The following STON2 variants were observed in gnomAD, a reference collection of about 807,000 sequenced individuals.
STON2 encodes stonin 2.
A neutral mutation model predicts 65.7 loss-of-function variants in STON2; 29 were observed. That is an observed-to-expected ratio of 0.44 (90% CI 0.33 to 0.60). STON2 has a LOEUF of 0.60. STON2 is among the 20% of genes least tolerant of loss of function. The probability of loss-of-function intolerance (pLI) is 0.03; values close to 1 mark genes in which losing one functional copy is unlikely to be tolerated. For synonymous variants in STON2, 404 were observed against 414.2 expected, an observed-to-expected ratio of 0.98 and a Z score of 0.30; for missense variants, 1,054 against 1,118.1, an observed-to-expected ratio of 0.94 and a Z score of 0.82.
chr14:81,365,061 C>T (rs1898660395), intron 4 of STON2, among the ~76,000 whole-genome samples: 2 of 152,196 alleles, frequency 1.3e-5, no homozygotes, highest in South Asian at 4.1e-4. Context: ...ATCAAGGCCC[C>T]AAGTTCTGGG....
rs1356197097 is a variant in STON2 at position 81,265,014 on chromosome 14, C to G, written c.*3400G>C. On this transcript the variant is annotated 3_prime_UTR_variant, in exon 8 of 8. Coordinates refer to ENST00000614646, the MANE Select transcript of STON2 (RefSeq NM_001394390.1). ...TATGTTCTAAGAGTAATACTATGTA[C>G]TGGTAAAATGAATTCATTTTTAATA... The G allele has an allele frequency of 1.0e-6, 1 of 979,704 alleles. No individual in the cohort carries two copies. Among genetic ancestry groups the G allele is most frequent in the African/African-American group, 1.8e-5 (1 of 56,936 alleles). 60.7% of individuals were successfully genotyped at this position (979,704 alleles called of 1,614,324 possible).
intron 3 of STON2, 173 bp downstream of exon 3, chr14:81,395,721 A>G: frequency 1.5e-6 from 1 of 656,444 alleles, no homozygotes; most frequent in Non-Finnish European, 2.7e-6. Context: ...TATGTCAACA[A>G]AAACAAGTTA....
chr14:81,386,269 T>A (rs533130900), intron 3 of STON2, among the ~76,000 whole-genome samples: 1 of 152,336 alleles, frequency 6.6e-6, no homozygotes, highest in East Asian at 1.9e-4. Flanking sequence ...TACATATGCA[T>A]GCAAAATGCA....
At chr14:81,335,329 G>A (rs1482858082) in intron 4 of STON2, among the ~76,000 whole-genome samples, 3 of 152,224 alleles carry the variant, frequency 2.0e-5, no homozygotes, top group African/African-American at 7.2e-5. Context: ...AGAAAAGGTA[G>A]AGAGAAGAAG....
intron 5 of STON2, among the ~76,000 whole-genome samples, chr14:81,308,269 T>C (rs111961192): frequency 0.035 from 5,359 of 152,190 alleles, 303 homozygotes; most frequent in African/African-American, 0.12. Context: ...GCAGACGCGA[T>C]CTCAGTTCAC....
intron 4 of STON2, among the ~76,000 whole-genome samples, chr14:81,368,046 T>C (rs1047118251): frequency 6.6e-6 from 1 of 152,132 alleles, no homozygotes; most frequent in African/African-American, 2.4e-5. Flanking sequence ...CTGCTACACA[T>C]CTTGTTTTAA....
intron 5 of STON2, among the ~76,000 whole-genome samples, chr14:81,321,861 C>CCCCAT (rs1896831989): frequency 6.6e-6 from 1 of 152,046 alleles, no homozygotes; most frequent in Admixed American, 6.6e-5. Flanking sequence ...CATCTGAAGC[C>CCCCAT]CCCATCCCAT....
chr14:81,392,100 T>C (rs1900106043), intron 3 of STON2, among the ~76,000 whole-genome samples: 2 of 152,174 alleles, frequency 1.3e-5, no homozygotes, highest in East Asian at 3.9e-4. Flanking sequence ...CAAAGTAACA[T>C]TTTAAGGCAA....
chr14:81,349,389 T>C (rs1296518308), intron 4 of STON2, among the ~76,000 whole-genome samples: 1 of 151,938 alleles, frequency 6.6e-6, no homozygotes, highest in African/African-American at 2.4e-5. Flanking sequence ...ACAGCTTAAA[T>C]GCAGAAAACC....
At chr14:81,338,353 C>G (rs1467640417) in intron 4 of STON2, among the ~76,000 whole-genome samples, 1 of 152,132 alleles carries the variant, frequency 6.6e-6, no homozygotes, top group Non-Finnish European at 1.5e-5. Flanking sequence ...CCATAGAAAA[C>G]CAAAAGGACA....
At chr14:81,404,179 T>G (rs1229016398), upstream of STON2, among the ~76,000 whole-genome samples, 1 of 152,208 alleles carries the variant, frequency 6.6e-6, no homozygotes, top group Non-Finnish European at 1.5e-5. Flanking sequence ...AATCTAGATA[T>G]AGGGAAATAT....
intron 6 of STON2, among the ~76,000 whole-genome samples, chr14:81,275,783 C>T (rs1382360676): frequency 1.3e-5 from 2 of 152,080 alleles, no homozygotes; most frequent in Non-Finnish European, 2.9e-5. Flanking sequence ...GGAGCTGGCC[C>T]GATTATACTG....
rs977205482 is a variant in STON2 at position 81,324,114 on chromosome 14, G to A, written c.645C>T (p.Ser215=). The change falls in exon 5 of 8, where the codon TCC becomes TCT. Residue 215 remains serine (S), a synonymous_variant. Coordinates refer to ENST00000614646, the MANE Select transcript of STON2 (RefSeq NM_001394390.1). ...SPVQACSEHT[S]TRTHRLDPSP... ...AGGGGTCCAGGCGGTGGGTGCGGGT[G>A]GAGGTATGCTCCGAGCATGCTTGAA... Among the ~76,000 whole-genome samples the A allele has an allele frequency of 3.9e-5, 6 of 152,314 alleles. No homozygotes were observed. In the South Asian group the frequency reaches 1.0e-3, roughly 26 times the overall value.
At chr14:81,346,560 C>T (rs902800600) in intron 4 of STON2, among the ~76,000 whole-genome samples, 4 of 152,142 alleles carry the variant, frequency 2.6e-5, no homozygotes, top group African/African-American at 9.7e-5. Context: ...ATTTAAACTG[C>T]ACTTCAGACC....
chr14:81,336,802 T>G lies in STON2; in HGVS notation c.572-12615A>C, dbSNP rs114766720. Among the ~76,000 whole-genome samples, 776 of 152,144 alleles carry G rather than the reference T, an allele frequency of 5.1e-3. 3 individuals carry two copies. The highest frequency in any genetic ancestry group is 0.017 in the African/African-American group (720 of 41,476). On this transcript the variant is annotated intron_variant, in intron 4 of 7. Coordinates refer to ENST00000614646, the MANE Select transcript of STON2 (RefSeq NM_001394390.1). ...TTGAAGGATACAAGATGGCTCAGGT[T>G]GGAGTGAGTGAATGAATTAGTGGGT...
chr14:81,408,833 A>C (rs1274314042), intron 2 of STON2, among the ~76,000 whole-genome samples: 1 of 152,196 alleles, frequency 6.6e-6, no homozygotes, highest in Non-Finnish European at 1.5e-5. Context: ...CACGTACCTG[A>C]GCAGTGTATC....
At chr14:81,273,163 C>A (rs762045691) in intron 6 of STON2, among the ~76,000 whole-genome samples, 1 of 152,220 alleles carries the variant, frequency 6.6e-6, no homozygotes, top group Admixed American at 6.5e-5. Context: ...TTTTACTCCA[C>A]CAAAGTGTAC....
intron 5 of STON2, among the ~76,000 whole-genome samples, chr14:81,310,583 A>T (rs748109223): frequency 2.0e-5 from 3 of 152,216 alleles, no homozygotes; most frequent in Non-Finnish European, 4.4e-5. Flanking sequence ...TTATTCATGA[A>T]CTAATTATGG....
intron 4 of STON2, among the ~76,000 whole-genome samples, chr14:81,332,247 T>C (rs553012056): frequency 7.2e-5 from 11 of 152,288 alleles, no homozygotes; most frequent in Admixed American, 6.5e-4. Context: ...CCCAACACCA[T>C]CTATTAGCAA....
Sources: allele counts gnomAD v4.1 joint callset (sites outside exome capture counted in the v4.1 genomes callset), GRCh38; gene constraint gnomAD v4.1.1; transcripts MANE v1.5; gene names NCBI Gene and HGNC (gene_info 2026-07-23, HGNC 2026-07-21).